The following NRXN1 variants were observed in gnomAD, a reference collection of about 807,000 sequenced individuals.
NRXN1 encodes the protein neurexin-1.
In NRXN1, 39 loss-of-function variants were observed where a neutral mutation model predicts 150.9. That is an observed-to-expected ratio of 0.26 (90% CI 0.20 to 0.34). The LOEUF (loss-of-function observed/expected upper bound fraction) is 0.34, where lower values mean the gene tolerates loss of function less well. NRXN1 is among the 10% of genes least tolerant of loss of function. The probability of loss-of-function intolerance (pLI) is 1.00; values close to 1 mark genes in which losing one functional copy is unlikely to be tolerated. For missense variants in NRXN1, 1,815 were observed against 1,949.9 expected, an observed-to-expected ratio of 0.93 and a Z score of 1.30; for synonymous variants, 924 against 757.0, an observed-to-expected ratio of 1.22 and a Z score of -3.62.
chr2:50,980,988 C>A (rs2104881868), intron 2 of NRXN1, among the ~76,000 whole-genome samples: 1 of 152,100 alleles, frequency 6.6e-6, no homozygotes, highest in Admixed American at 6.6e-5. Context: ...GCACAGAGAG[C>A]TACTATGGCA....
chr2:50,641,440 T>C (rs1306831193), intron 5 of NRXN1, among the ~76,000 whole-genome samples: 3 of 152,108 alleles, frequency 2.0e-5, no homozygotes, highest in African/African-American at 7.2e-5. Flanking sequence ...TAGGATTCTC[T>C]TCAGTGAAAC....
chr2:50,281,322 C>CAATAATAATAATAAT (rs371009865), intron 17 of NRXN1, among the ~76,000 whole-genome samples: 1,785 of 149,024 alleles, frequency 0.012, 21 homozygotes, highest in Admixed American at 0.029. Flanking sequence ...GTCTCAAAAA[C>CAATAATAATAATAAT]AATAATAATA....
intron 5 of NRXN1, among the ~76,000 whole-genome samples, chr2:50,655,016 C>G (rs1037653843): frequency 1.3e-5 from 2 of 151,856 alleles, no homozygotes; most frequent in Non-Finnish European, 2.9e-5. Flanking sequence ...TAATTTGCAA[C>G]CTGGAGAAAA....
In NRXN1 at chr2:51,002,714, C is replaced by T. The variant is rs188461363; in HGVS notation, c.772+24788G>A. Among the ~76,000 whole-genome samples, 3 of 151,922 alleles carry T rather than the reference C, an allele frequency of 2.0e-5. No individual in the cohort carries two copies. The East Asian group carries it at 5.8e-4, about 29-fold the overall frequency. ...ATCATACATGCAAGATGACAAAATA[C>T]AATTTTTGAAGTGTTATTTTCTTTG... is the stretch of plus-strand genomic sequence containing the variant. On this transcript the variant is annotated intron_variant, in intron 2 of 22. Coordinates refer to ENST00000401669, the MANE Select transcript of NRXN1 (RefSeq NM_001330078.2).
chr2:50,019,344 G>C, intron 21 of NRXN1: 1 of 470,960 alleles, frequency 2.1e-6, no homozygotes, highest in South Asian at 1.5e-5. Flanking sequence ...TGGAAATTTA[G>C]TACTTAAGAG....
Position 50,621,205 on chromosome 2 carries a change from C to G in NRXN1, c.1158+21G>C. On this transcript the variant is annotated intron_variant, in intron 7 of 22. Transcript: ENST00000401669. The stretch of plus-strand genomic sequence containing the variant: ...AAGAAACAATTAGAATGATATCTAC[C>G]GAACAATGTAGTTTGTTTACCATAG... 1.3e-6 allele frequency: 2 copies of G among 1,559,576 alleles called. No individual in the cohort carries two copies. Among genetic ancestry groups the G allele is most frequent in the Non-Finnish European group, 1.7e-6 (2 of 1,150,070 alleles).
rs751730156 is a variant in NRXN1, at chr2:50,502,816, G to C, written c.2497+3679C>G. Among the ~76,000 whole-genome samples, 55 of 151,572 alleles carry C rather than the reference G, an allele frequency of 3.6e-4. 1 individual carries two copies. Among genetic ancestry groups the C allele is most frequent in the African/African-American group, 1.3e-3 (52 of 41,206 alleles). On this transcript the variant is annotated intron_variant, in intron 13 of 22. Transcript: ENST00000401669. The stretch of plus-strand genomic sequence containing the variant: ...ACATTTACATGTATGTTTGGGTGTA[G>C]GTATATATACTTGAATACATTTCTT...
intron 2 of NRXN1, among the ~76,000 whole-genome samples, chr2:51,015,852 T>A (rs1224229713): frequency 1.3e-5 from 2 of 151,706 alleles, no homozygotes; most frequent in Non-Finnish European, 2.9e-5. Flanking sequence ...AACTTACAAG[T>A]TACCATTTGA....
chr2:50,049,409 C>A (rs1184470627), intron 21 of NRXN1, among the ~76,000 whole-genome samples: 1 of 151,998 alleles, frequency 6.6e-6, no homozygotes, highest in Non-Finnish European at 1.5e-5. Flanking sequence ...GGCAGCAAGG[C>A]CAAAGTACAA....
chr2:49,925,426 G>C (rs1385249650), intron 22 of NRXN1, among the ~76,000 whole-genome samples: 1 of 151,752 alleles, frequency 6.6e-6, no homozygotes, highest in Non-Finnish European at 1.5e-5. Context: ...GCTTTATTTT[G>C]ATGATCACTG....
At chr2:50,666,596 G>C (rs1020133093) in intron 5 of NRXN1, among the ~76,000 whole-genome samples, 2 of 151,798 alleles carry the variant, frequency 1.3e-5, no homozygotes, top group African/African-American at 4.8e-5. Context: ...CCAACACTTG[G>C]TAAGGGCATG....
At chr2:50,999,125 G>A (rs1699709335) in intron 2 of NRXN1, among the ~76,000 whole-genome samples, 2 of 152,026 alleles carry the variant, frequency 1.3e-5, no homozygotes, top group Admixed American at 1.3e-4. Flanking sequence ...TCCATAACTA[G>A]TATTTATCCT....
chr2:49,928,601 G>C (rs72885869), intron 22 of NRXN1, among the ~76,000 whole-genome samples: 3,892 of 151,860 alleles, frequency 0.026, 172 homozygotes, highest in African/African-American at 0.087. Flanking sequence ...ATTGAGATTA[G>C]CACACTTTTT....
At chr2:50,674,472 G>C (rs1689284406) in intron 5 of NRXN1, among the ~76,000 whole-genome samples, 1 of 152,074 alleles carries the variant, frequency 6.6e-6, no homozygotes, top group African/African-American at 2.4e-5. Context: ...TTTTAGACAG[G>C]AATAGCATAA....
At chr2:50,472,530 A>G (rs537505464) in intron 15 of NRXN1, 59 bp from the exon 16 acceptor site, 953 of 1,326,908 alleles carry the variant, frequency 7.2e-4, no homozygotes, top group Admixed American at 1.9e-3. Context: ...TTAAACACAC[A>G]GTAGGATGGA....
intron 18 of NRXN1, among the ~76,000 whole-genome samples, chr2:50,116,285 CTAAAGT>C (rs1703059127): frequency 6.6e-6 from 1 of 151,992 alleles, no homozygotes; most frequent in African/African-American, 2.4e-5. Context: ...GGAAAACTCA[CTAAAGT>C]TAAAGTTATT....
intron 18 of NRXN1, among the ~76,000 whole-genome samples, chr2:50,166,316 TGTG>T (rs2059684348): frequency 6.9e-6 from 1 of 144,688 alleles, no homozygotes; most frequent in African/African-American, 2.9e-5. Flanking sequence ...TGTGTGTGTG[TGTG>T]TGTGTTTGTG....
chr2:50,286,923 C>G lies in NRXN1; in HGVS notation c.3365-49953G>C, dbSNP rs565764032. Among the ~76,000 whole-genome samples, 75 of 152,146 alleles carry G rather than the reference C, an allele frequency of 4.9e-4. No individual in the cohort carries two copies. In the South Asian group the frequency reaches 0.014, roughly 29 times the overall value. On this transcript the variant is annotated intron_variant, in intron 17 of 22. Coordinates refer to ENST00000401669, the MANE Select transcript of NRXN1 (RefSeq NM_001330078.2). ...AATACCATTGCTGCTGCTTCTTCCT[C>G]TTCTTCCTGTTATCATTATTTTACA...
chr2:50,892,886 C>T (rs940150778), intron 5 of NRXN1, among the ~76,000 whole-genome samples: 1 of 152,108 alleles, frequency 6.6e-6, no homozygotes, highest in African/African-American at 2.4e-5. Flanking sequence ...TGACAACTCC[C>T]AACAAATAAT....
Sources: gnomAD v4.1 joint callset for allele counts (sites outside exome capture counted in the v4.1 genomes callset) on GRCh38, gnomAD v4.1.1 for gene constraint, MANE v1.5 for transcripts, NCBI Gene and HGNC (gene_info 2026-07-23, HGNC 2026-07-21) for gene names.